WWP2: variants seen among roughly 807,000 people sequenced by gnomAD.
WWP2 encodes WW domain containing E3 ubiquitin protein ligase 2.
A neutral mutation model predicts 121.0 loss-of-function variants in WWP2; 57 were observed. That is an observed-to-expected ratio of 0.47 (90% CI 0.38 to 0.59). WWP2 has a LOEUF of 0.59. Ranked by LOEUF, WWP2 falls within the 20% of genes least tolerant of loss-of-function variation. WWP2 has a pLI of 0.00. For synonymous variants in WWP2, 449 were observed against 441.3 expected (o/e 1.02, Z -0.22); for missense variants, 962 against 1,158.9 (o/e 0.83, Z 2.47).
At chr16:69,809,432 G>A (rs1271819827) in intron 4 of WWP2, among the ~76,000 whole-genome samples, 2 of 152,016 alleles carry the variant, frequency 1.3e-5, no homozygotes, top group Non-Finnish European at 2.9e-5. Flanking sequence ...GCAGTCCTGA[G>A]GTTGTTTCAG....
chr16:69,881,616 A>G (rs765401568), intron 7 of WWP2, among the ~76,000 whole-genome samples: 1 of 152,244 alleles, frequency 6.6e-6, no homozygotes, highest in East Asian at 1.9e-4. Context: ...AGACCATACT[A>G]TCTTTTCAGA....
At chr16:69,854,665 C>G (rs947626918) in intron 6 of WWP2, among the ~76,000 whole-genome samples, 3 of 152,106 alleles carry the variant, frequency 2.0e-5, no homozygotes, top group Non-Finnish European at 4.4e-5. Flanking sequence ...GTTCTCATGC[C>G]TCAGCCTCCT....
intron 4 of WWP2, among the ~76,000 whole-genome samples, chr16:69,817,201 G>A (rs1050888560): frequency 3.3e-5 from 5 of 151,902 alleles, no homozygotes; most frequent in South Asian, 2.1e-4. Context: ...AGTTTTTTCC[G>A]CATCAGTGAA....
chr16:69,936,552 T>C, intron 19 of WWP2, 100 bp downstream of exon 19: 1 of 1,522,054 alleles, frequency 6.6e-7, no homozygotes, highest in South Asian at 1.2e-5. Context: ...TCGGTCACTG[T>C]GGATGCCATT....
chr16:69,826,554 A>G (rs2056694883), intron 4 of WWP2, among the ~76,000 whole-genome samples: 1 of 140,246 alleles, frequency 7.1e-6, no homozygotes, highest in Non-Finnish European at 1.5e-5. Flanking sequence ...GCTGGGCAAC[A>G]GAGTGAGACT....
intron 2 of WWP2, among the ~76,000 whole-genome samples, chr16:69,793,032 A>G (rs186653729): frequency 6.6e-6 from 1 of 152,236 alleles, no homozygotes; most frequent in Admixed American, 6.5e-5. Flanking sequence ...GTAATCACCC[A>G]GTGGGTTCTT....
intron 1 of WWP2, among the ~76,000 whole-genome samples, chr16:69,771,336 C>T (rs1359632713): frequency 6.6e-6 from 1 of 152,170 alleles, no homozygotes; most frequent in Non-Finnish European, 1.5e-5. Flanking sequence ...CAACCTCCGC[C>T]TCCCGGGTTC....
In WWP2 at chr16:69,935,915, CAATAAGAGACCA is replaced by C; in HGVS notation, c.1907_1918del (p.Asn636_Pro639del). ...CCCTCCCTTTCTACAAGCGGATGCT[CAATAAGAGACCA>C]ACCCTGAAAGACCTGGAGTCCATTG... On this transcript the variant is annotated inframe_deletion, in exon 18 of 24. Transcript: ENST00000359154. The surrounding 1 kb of genome is among the most constrained non-coding windows in gnomAD (Gnocchi z 5.2). 6.2e-7 allele frequency: 1 copy of C among 1,614,062 alleles called. No homozygotes were observed. The highest frequency in any genetic ancestry group is 8.5e-7 in the Non-Finnish European group (1 of 1,180,024).
intron 1 of WWP2, among the ~76,000 whole-genome samples, chr16:69,772,003 C>A (rs1257086676): frequency 7.1e-6 from 1 of 139,994 alleles, no homozygotes; most frequent in Non-Finnish European, 1.5e-5. Flanking sequence ...CTCTTGTTGC[C>A]CAGGCTGGAG....
Position 69,807,940 on chromosome 16 carries a change from A to G in WWP2, c.340+8645A>G, listed in dbSNP as rs116028824. ...TGCTGCACTCCAGCCTGGGTGACAG[A>G]GCAAAACCCTATCTCAAACAAACAA... On this transcript the variant is annotated intron_variant, in intron 4 of 23. Transcript: ENST00000359154. Among the ~76,000 whole-genome samples, 1,055 of 152,306 alleles carry G rather than the reference A, an allele frequency of 6.9e-3. 13 individuals are homozygous for G. Among genetic ancestry groups the G allele is most frequent in the African/African-American group, 0.024 (1,010 of 41,566 alleles).
At position 69,939,329 on chromosome 16, in the gene WWP2, C is replaced by T; in HGVS notation, c.2441-12C>T. The T allele has an allele frequency of 1.2e-6, 2 of 1,614,150 alleles. No individual in the cohort carries two copies. The highest frequency in any genetic ancestry group is 2.2e-5 in the South Asian group (2 of 91,076). On this transcript the variant is annotated splice_polypyrimidine_tract_variant and intron_variant, in intron 22 of 23. Transcript: ENST00000359154. ...CTCTGCTGACGTCGGCGTGTTTTAC[C>T]TTGGATCACAGGTAGCAACGGACCA...
At chr16:69,933,373 G>C (rs1185653829) in intron 16 of WWP2, among the ~76,000 whole-genome samples, 1 of 152,170 alleles carries the variant, frequency 6.6e-6, no homozygotes, top group Non-Finnish European at 1.5e-5. Flanking sequence ...GGATGGTGTT[G>C]GGGTCTGGGG....
intron 2 of WWP2, 134 bp from the exon 3 acceptor site, chr16:69,798,548 T>C: frequency 8.2e-6 from 9 of 1,100,152 alleles, no homozygotes; most frequent in Non-Finnish European, 9.8e-6. Context: ...AAAAAGTTTT[T>C]AGAATCAAGA....
At chr16:69,813,732 G>A (rs758718549) in intron 4 of WWP2, among the ~76,000 whole-genome samples, 2 of 152,190 alleles carry the variant, frequency 1.3e-5, no homozygotes, top group African/African-American at 2.4e-5. Flanking sequence ...GCGTCCCAAA[G>A]TGCTGTGGGA....
At chr16:69,795,150 C>T (rs1343013191) in intron 2 of WWP2, among the ~76,000 whole-genome samples, 1 of 152,014 alleles carries the variant, frequency 6.6e-6, no homozygotes, top group Non-Finnish European at 1.5e-5. Context: ...GTGGGAGGAT[C>T]GCTTCAGCCA....
At chr16:69,867,496 G>T (rs2057549285) in intron 6 of WWP2, among the ~76,000 whole-genome samples, 1 of 152,154 alleles carries the variant, frequency 6.6e-6, no homozygotes, top group Non-Finnish European at 1.5e-5. Flanking sequence ...GACACCCAAG[G>T]CTCTGGCTGT....
intron 1 of WWP2, among the ~76,000 whole-genome samples, chr16:69,768,088 C>T (rs1310488604): frequency 6.6e-6 from 1 of 152,140 alleles, no homozygotes; most frequent in Non-Finnish European, 1.5e-5. Context: ...CCTCCTGCCT[C>T]AGCCTCCCAA....
chr16:69,871,178 G>A (rs890921035), intron 6 of WWP2, among the ~76,000 whole-genome samples: 1 of 152,138 alleles, frequency 6.6e-6, no homozygotes, highest in Admixed American at 6.5e-5. Context: ...CAGCTACTGG[G>A]GAGGCTGAGG....
intron 9 of WWP2, among the ~76,000 whole-genome samples, chr16:69,915,184 AGAC>A (rs2058461251): frequency 6.6e-6 from 1 of 152,258 alleles, no homozygotes; most frequent in Non-Finnish European, 1.5e-5. Context: ...ACCACACAGA[AGAC>A]GACAAGGAAG....
Sources: gnomAD v4.1 joint callset for allele counts (sites outside exome capture counted in the v4.1 genomes callset) on GRCh38, gnomAD v4.1.1 for gene constraint, Gnocchi (gnomAD v3.1) non-coding constraint, MANE v1.5 for transcripts, NCBI Gene and HGNC (gene_info 2026-07-23, HGNC 2026-07-21) for gene names.